Variants in CEP83 observed in about 807,000 individuals in gnomAD.
The protein encoded by CEP83 is centrosomal protein of 83 kDa.
A neutral mutation model predicts 101.9 loss-of-function variants in CEP83; 70 were observed. The ratio of observed to expected loss-of-function variants is 0.69; its 90% CI spans 0.57 to 0.84. The LOEUF is 0.84. Among genes scored for constraint, CEP83 ranks in the 40% least tolerant of loss-of-function variants. The probability of loss-of-function intolerance (pLI) is 0.00; values close to 1 mark genes in which losing one functional copy is unlikely to be tolerated. For missense variants in CEP83, 715 were observed against 787.2 expected, an observed-to-expected ratio of 0.91 and a Z score of 1.10; for synonymous variants, 264 against 267.9, an observed-to-expected ratio of 0.99 and a Z score of 0.14.
Position 94,350,667 on chromosome 12 carries a change from C to A in CEP83, c.1344-15003G>T, listed in dbSNP as rs181340715. On this transcript the variant is annotated intron_variant, in intron 11 of 16. Coordinates refer to ENST00000397809, the MANE Select transcript of CEP83 (RefSeq NM_016122.3). ...TCCATGAAAATAAATTTTTCTGCAA[C>A]AAAAGATACTTATCAACAGAGTAAA... Among the ~76,000 whole-genome samples the A allele has an allele frequency of 1.2e-4, 18 of 151,392 alleles. 1 individual carries two copies. In the East Asian group the frequency reaches 3.5e-3, roughly 29 times the overall value.
At chr12:94,416,193 T>C (rs2064249204) in intron 2 of CEP83, among the ~76,000 whole-genome samples, 1 of 152,158 alleles carries the variant, frequency 6.6e-6, no homozygotes, top group Non-Finnish European at 1.5e-5. Flanking sequence ...AATAAAGGTT[T>C]CTACTTTGAG....
rs2064359620 is a variant in CEP83 at position 94,417,391 on chromosome 12, C to T, written c.-101-4800G>A. Among the ~76,000 whole-genome samples, 3 of 152,168 alleles carry T rather than the reference C, an allele frequency of 2.0e-5. No individual in the cohort carries two copies. In the South Asian group the frequency reaches 6.2e-4, roughly 32 times the overall value. ...ACCTGGCAAAAACAAGGTAGTATGC[C>T]CTCTTTCCTCTACCAGAAAAGTGTC... On this transcript the variant is annotated intron_variant, in intron 2 of 16. Transcript: ENST00000397809.
the CEP83 span, among the ~76,000 whole-genome samples, chr12:94,300,659 T>A: frequency 6.6e-6 from 1 of 152,176 alleles, no homozygotes; most frequent in Admixed American, 6.5e-5. Context: ...AAGAGCTATC[T>A]GGAGAAAATT....
rs185300493 is a variant in CEP83, at chr12:94,454,874, C to T, written c.-155+4683G>A. ...CCTGAAGCCAGCAATACCACGAACC[C>T]ACCGGGAGGAATGAACAACTCCGGA... On this transcript the variant is annotated intron_variant, in intron 1 of 16. Coordinates refer to ENST00000397809, the MANE Select transcript of CEP83 (RefSeq NM_016122.3). Among the ~76,000 whole-genome samples, 65 of 152,266 alleles carry T rather than the reference C, an allele frequency of 4.3e-4. No individual in the cohort carries two copies. The East Asian group carries it at 0.012, about 28-fold the overall frequency.
chr12:94,376,454 T>TA (rs2061539227), intron 7 of CEP83, among the ~76,000 whole-genome samples: 1 of 148,262 alleles, frequency 6.7e-6, no homozygotes, highest in Non-Finnish European at 1.5e-5. Flanking sequence ...ATCAATGATT[T>TA]TAAAAAAAGA....
At chr12:94,342,273 T>C (rs2059717601) in intron 11 of CEP83, among the ~76,000 whole-genome samples, 1 of 152,208 alleles carries the variant, frequency 6.6e-6, no homozygotes, top group East Asian at 1.9e-4. Flanking sequence ...ACTCAAACTT[T>C]ATATAATTAG....
At chr12:94,386,387 G>T (rs564198822) in intron 6 of CEP83, among the ~76,000 whole-genome samples, 1 of 152,196 alleles carries the variant, frequency 6.6e-6, no homozygotes, top group South Asian at 2.1e-4. Flanking sequence ...CTCCACACAT[G>T]CGCTAATCAA....
chr12:94,286,978 T>C, the CEP83 span, among the ~76,000 whole-genome samples: 1 of 152,186 alleles, frequency 6.6e-6, no homozygotes, highest in Non-Finnish European at 1.5e-5. Flanking sequence ...CAGGGCCCTG[T>C]CACCTACTGG....
At chr12:94,429,950 A>C (rs2065494446) in intron 2 of CEP83, among the ~76,000 whole-genome samples, 2 of 152,206 alleles carry the variant, frequency 1.3e-5, no homozygotes, top group Admixed American at 1.3e-4. Flanking sequence ...CCCCAGCAGT[A>C]GGGCTGCAGC....
At chr12:94,305,675 T>G, downstream of CEP83, 1 of 157,030 alleles carries the variant, frequency 6.4e-6, no homozygotes, top group Non-Finnish European at 1.4e-5. Context: ...TGTAAAGGGA[T>G]ACTGCCAGTG....
At chr12:94,317,610 C>G (rs1015950909) in intron 14 of CEP83, among the ~76,000 whole-genome samples, 2 of 152,068 alleles carry the variant, frequency 1.3e-5, no homozygotes, top group Admixed American at 1.3e-4. Context: ...AGGAAGAGGT[C>G]TAGTTTCAAT....
At chr12:94,441,592 C>G (rs1165698531) in intron 1 of CEP83, among the ~76,000 whole-genome samples, 1 of 152,150 alleles carries the variant, frequency 6.6e-6, no homozygotes, top group African/African-American at 2.4e-5. Flanking sequence ...AGTACAACCA[C>G]TATAGAAAAC....
At chr12:94,343,714 C>T (rs1467991572) in intron 11 of CEP83, among the ~76,000 whole-genome samples, 3 of 150,812 alleles carry the variant, frequency 2.0e-5, no homozygotes, top group African/African-American at 4.9e-5. Context: ...AGGATGGTCT[C>T]GATCTCCTGA....
chr12:94,292,105 GAACT>G, the CEP83 span, among the ~76,000 whole-genome samples: 1 of 152,068 alleles, frequency 6.6e-6, no homozygotes, highest in East Asian at 1.9e-4. Context: ...CATACTACAT[GAACT>G]AACACATAGT....
At chr12:94,345,797 TATTAG>T (rs949146259) in intron 11 of CEP83, among the ~76,000 whole-genome samples, 2 of 152,198 alleles carry the variant, frequency 1.3e-5, no homozygotes, top group Admixed American at 1.3e-4. Flanking sequence ...AGTCTATTAG[TATTAG>T]ATCATGCCCT....
At chr12:94,405,952 G>T (rs1371702568) in intron 4 of CEP83, among the ~76,000 whole-genome samples, 1 of 152,142 alleles carries the variant, frequency 6.6e-6, no homozygotes, top group Non-Finnish European at 1.5e-5. Flanking sequence ...AACTACCTAA[G>T]GCTAGGCAAA....
chr12:94,364,888 G>A (rs1445054934), intron 11 of CEP83, among the ~76,000 whole-genome samples: 1 of 152,180 alleles, frequency 6.6e-6, no homozygotes, highest in East Asian at 1.9e-4. Context: ...ATAGATCAGA[G>A]AACTAAATGT....
At chr12:94,367,609 G>A (rs1300323861) in intron 11 of CEP83, among the ~76,000 whole-genome samples, 185 bp downstream of exon 11, 1 of 152,046 alleles carries the variant, frequency 6.6e-6, no homozygotes, top group Non-Finnish European at 1.5e-5. Context: ...AGTAATGCCT[G>A]ATTTCCTGAT....
chr12:94,304,212 T>C, downstream of CEP83: 1 of 551,914 alleles, frequency 1.8e-6, no homozygotes, highest in East Asian at 2.9e-5. Context: ...AGCCAGACCC[T>C]GTACATGGCT....
Sources: allele counts gnomAD v4.1 joint callset (sites outside exome capture counted in the v4.1 genomes callset), GRCh38; gene constraint gnomAD v4.1.1; transcripts MANE v1.5; gene names NCBI Gene and HGNC (gene_info 2026-07-23, HGNC 2026-07-21).